The following CHIC2 variants were observed in gnomAD, a reference collection of about 807,000 sequenced individuals.
CHIC2 encodes cysteine rich hydrophobic domain 2.
In CHIC2, 14 loss-of-function variants were observed where a neutral mutation model predicts 25.9. That is an observed-to-expected ratio of 0.54 (90% CI 0.36 to 0.85). CHIC2 has a LOEUF of 0.85. Among genes scored for constraint, CHIC2 ranks in the 40% least tolerant of loss-of-function variants. CHIC2 has a pLI of 0.01. For missense variants in CHIC2, 146 were observed against 202.0 expected (o/e 0.72, Z 1.68); for synonymous variants, 70 against 72.0 (o/e 0.97, Z 0.14).
At chr4:54,049,808 T>C (rs984685796) in intron 1 of CHIC2, among the ~76,000 whole-genome samples, 2 of 152,168 alleles carry the variant, frequency 1.3e-5, no homozygotes, top group Admixed American at 6.5e-5. Flanking sequence ...AAAGTAGGAA[T>C]GGACAAAGTG....
chr4:54,025,317 T>G (rs1313225608), intron 3 of CHIC2, among the ~76,000 whole-genome samples: 5 of 152,172 alleles, frequency 3.3e-5, no homozygotes, highest in African/African-American at 1.2e-4. Context: ...GAAGGTTCTT[T>G]GTAATTCTCC....
At chr4:54,040,907 C>T (rs1391506463) in intron 3 of CHIC2, among the ~76,000 whole-genome samples, 1 of 150,400 alleles carries the variant, frequency 6.6e-6, no homozygotes, top group Admixed American at 6.6e-5. Context: ...AATAATAGAA[C>T]AGAATAAAAA....
At chr4:54,030,666 A>ATTT (rs201197122) in intron 3 of CHIC2, among the ~76,000 whole-genome samples, 2 of 134,684 alleles carry the variant, frequency 1.5e-5, no homozygotes, top group African/African-American at 2.8e-5. Context: ...TAAAATGCTA[A>ATTT]TTTTTTTTTT....
At chr4:54,019,353 C>T (rs1317310895) in intron 3 of CHIC2, among the ~76,000 whole-genome samples, 1 of 151,914 alleles carries the variant, frequency 6.6e-6, no homozygotes, top group Non-Finnish European at 1.5e-5. Context: ...TTTAAATAAT[C>T]TAGATATATT....
chr4:54,020,011 A>G (rs1449907531), intron 3 of CHIC2, among the ~76,000 whole-genome samples: 1 of 152,244 alleles, frequency 6.6e-6, no homozygotes. Flanking sequence ...TGCAAATAAA[A>G]TAAAAAGTAC....
At chr4:54,090,195 A>G in the CHIC2 span, among the ~76,000 whole-genome samples, 3 of 151,842 alleles carry the variant, frequency 2.0e-5, no homozygotes, top group Non-Finnish European at 2.9e-5. Flanking sequence ...TTTTATATAT[A>G]TATATTTTTT....
At chr4:54,083,928 C>T in the CHIC2 span, among the ~76,000 whole-genome samples, 1 of 152,134 alleles carries the variant, frequency 6.6e-6, no homozygotes, top group Non-Finnish European at 1.5e-5. Context: ...CTCCTGCATG[C>T]AGCTTAATGC....
the CHIC2 span, among the ~76,000 whole-genome samples, chr4:54,072,933 A>G: frequency 1.3e-5 from 2 of 152,218 alleles, no homozygotes; most frequent in Non-Finnish European, 2.9e-5. Flanking sequence ...TCAGCCAGGC[A>G]TGGTGGCGGG....
At chr4:54,079,569 G>A in the CHIC2 span, among the ~76,000 whole-genome samples, 2 of 152,060 alleles carry the variant, frequency 1.3e-5, no homozygotes, top group Non-Finnish European at 2.9e-5. Flanking sequence ...CAACTCAATA[G>A]TGAAAGACAA....
the CHIC2 span, among the ~76,000 whole-genome samples, chr4:54,074,265 T>TA: frequency 6.6e-6 from 1 of 152,204 alleles, no homozygotes; most frequent in Non-Finnish European, 1.5e-5. Flanking sequence ...ATACTTAACT[T>TA]AGACACTTAA....
intron 3 of CHIC2, among the ~76,000 whole-genome samples, chr4:54,027,104 T>A (rs1359100803): frequency 6.6e-6 from 1 of 152,092 alleles, no homozygotes; most frequent in Non-Finnish European, 1.5e-5. Flanking sequence ...ACGAAGAATT[T>A]CAAAAGAAAA....
At chr4:54,086,804 T>C in the CHIC2 span, 1 of 351,322 alleles carries the variant, frequency 2.8e-6, no homozygotes, top group East Asian at 6.6e-5. Flanking sequence ...TACAGAATCT[T>C]GGATTGTATC....
chr4:54,084,431 G>T, the CHIC2 span, among the ~76,000 whole-genome samples: 942 of 151,948 alleles, frequency 6.2e-3, 17 homozygotes, highest in African/African-American at 0.021. Context: ...AAATGGAATT[G>T]TGATTATATT....
chr4:54,046,201 A>G lies in CHIC2; in HGVS notation c.330+2754T>C, dbSNP rs146858379. 4.1e-4 allele frequency among the ~76,000 whole-genome samples: 63 copies of G among 152,368 alleles called. 1 individual carries two copies. In the East Asian group the frequency reaches 6.9e-3, roughly 17 times the overall value. On this transcript the variant is annotated intron_variant, in intron 3 of 5. Transcript: ENST00000263921. ...CCATGCTCATGGATAGCAAGAATCAATATTGTGAAAATGGACACACTGCCC... is the reference window on the plus strand; with the variant it reads ...CCATGCTCATGGATAGCAAGAATCAGTATTGTGAAAATGGACACACTGCCC...
chr4:54,054,327 T>C (rs971137293), intron 1 of CHIC2, among the ~76,000 whole-genome samples: 2 of 152,206 alleles, frequency 1.3e-5, no homozygotes, highest in Admixed American at 6.5e-5. Context: ...TAACAATGTC[T>C]CTTGGCATTC....
rs139920029 is a variant in CHIC2, at chr4:54,064,102, CAG to C, written c.119+78_119+79del. On this transcript the variant is annotated intron_variant, in intron 1 of 5. Coordinates refer to ENST00000263921, the MANE Select transcript of CHIC2 (RefSeq NM_012110.4). The surrounding 1 kb of genome is among the most constrained non-coding windows in gnomAD (Gnocchi z 4.2). ...GAAGGCCCCCGACACCAGACGGACA[CAG>C]GGGAAACGGGGCTCCCGTGGAGTAA... 0.38 allele frequency: 486,406 copies of C among 1,277,520 alleles called. 98,550 individuals are homozygous for C. Among genetic ancestry groups the C allele is most frequent in the East Asian group, 0.69 (27,541 of 39,954 alleles). The allele number at this position is 1,277,520 out of a possible 1,614,324, so 79.1% of individuals were successfully genotyped here. A position where few individuals can be genotyped will look rare whatever the true frequency, so the allele number is the denominator to read the frequency against.
the CHIC2 span, among the ~76,000 whole-genome samples, chr4:54,088,219 A>G: frequency 1.3e-5 from 2 of 152,158 alleles, no homozygotes; most frequent in Non-Finnish European, 2.9e-5. Context: ...GAAGTAAAAC[A>G]GCCCATCCTC....
chr4:54,064,159 C>T lies in CHIC2; in HGVS notation c.119+23G>A, dbSNP rs1241855512. 8.8e-6 allele frequency: 14 copies of T among 1,585,586 alleles called. No individual in the cohort carries two copies. In the African/African-American group the frequency reaches 1.9e-4, roughly 21 times the overall value. ...GCCCACCCCAGCCCGCACCTCCCGCCCTCGCCCTCCTCCGGGCCTTACACG... is the reference window on the plus strand; with the variant it reads ...GCCCACCCCAGCCCGCACCTCCCGCTCTCGCCCTCCTCCGGGCCTTACACG... On this transcript the variant is annotated intron_variant, in intron 1 of 5. Transcript: ENST00000263921. The surrounding 1 kb of genome is among the most constrained non-coding windows in gnomAD (Gnocchi z 4.2).
the CHIC2 span, among the ~76,000 whole-genome samples, chr4:54,078,777 A>C: frequency 6.6e-6 from 1 of 151,984 alleles, no homozygotes; most frequent in South Asian, 2.1e-4. Flanking sequence ...GGCCTCCCAA[A>C]GTGCTGGGAT....
Sources: allele counts gnomAD v4.1 joint callset (sites outside exome capture counted in the v4.1 genomes callset), GRCh38; gene constraint gnomAD v4.1.1; non-coding constraint Gnocchi (gnomAD v3.1); transcripts MANE v1.5; gene names NCBI Gene and HGNC (gene_info 2026-07-23, HGNC 2026-07-21).